Variants in ARB2A observed in about 807,000 individuals in gnomAD.
ARB2A encodes the protein cotranscriptional regulator ARB2A.
At chr5:93,619,548 T>G in the ARB2A span, 26 of 152,348 alleles carry the variant, frequency 1.7e-4, no homozygotes, top group East Asian at 4.6e-3. Flanking sequence ...CATTTTATCA[T>G]GTCCTCAAAT....
chr5:93,725,328 G>A, the ARB2A span, among the ~76,000 whole-genome samples: 8 of 152,016 alleles, frequency 5.3e-5, no homozygotes, highest in Admixed American at 3.9e-4. Context: ...ATTTATGGAC[G>A]AATTAATACC....
the ARB2A span, among the ~76,000 whole-genome samples, chr5:93,799,017 T>C: frequency 6.6e-6 from 1 of 152,140 alleles, no homozygotes; most frequent in Non-Finnish European, 1.5e-5. Context: ...GGTTTCTTCA[T>C]GTAGATACTG....
chr5:93,910,652 G>A, the ARB2A span: 1 of 151,380 alleles, frequency 6.6e-6, no homozygotes, highest in Non-Finnish European at 1.5e-5. Context: ...ATACTGTTCA[G>A]ATATAATATA....
the ARB2A span, among the ~76,000 whole-genome samples, chr5:93,929,063 T>C: frequency 2.0e-5 from 3 of 152,250 alleles, no homozygotes; most frequent in East Asian, 1.9e-4. Context: ...AAATGCTTAA[T>C]TGTAATGTAT....
chr5:93,692,570 G>A, the ARB2A span, among the ~76,000 whole-genome samples: 1 of 152,158 alleles, frequency 6.6e-6, no homozygotes, highest in Non-Finnish European at 1.5e-5. Flanking sequence ...GCCCTACAAA[G>A]AGACTTAGAA....
chr5:93,657,558 A>G, the ARB2A span, among the ~76,000 whole-genome samples: 1 of 152,206 alleles, frequency 6.6e-6, no homozygotes. Context: ...CCATAACCTT[A>G]TATGAGCTTG....
the ARB2A span, among the ~76,000 whole-genome samples, chr5:93,732,131 T>C: frequency 6.6e-6 from 1 of 152,276 alleles, no homozygotes; most frequent in Non-Finnish European, 1.5e-5. Flanking sequence ...AAGCTTCCTG[T>C]CATGTTTCTG....
At chr5:94,079,508 T>G in the ARB2A span, among the ~76,000 whole-genome samples, 1 of 152,308 alleles carries the variant, frequency 6.6e-6, no homozygotes, top group East Asian at 1.9e-4. Context: ...GTCTTCTGAC[T>G]CCTAATTATG....
At chr5:93,895,402 T>C in the ARB2A span, among the ~76,000 whole-genome samples, 1 of 152,216 alleles carries the variant, frequency 6.6e-6, no homozygotes. Flanking sequence ...ATTTGCTCTA[T>C]CAATTACTGT....
the ARB2A span, among the ~76,000 whole-genome samples, chr5:93,953,896 A>G: frequency 6.6e-6 from 1 of 152,002 alleles, no homozygotes; most frequent in African/African-American, 2.4e-5. Context: ...AGTTTCTTCC[A>G]ATGGCCACAA....
At chr5:93,931,773 C>T in the ARB2A span, among the ~76,000 whole-genome samples, 2 of 151,898 alleles carry the variant, frequency 1.3e-5, no homozygotes, top group South Asian at 4.2e-4. Context: ...CTGAGAAGCC[C>T]CTATCATAAA....
chr5:93,819,041 C>A, the ARB2A span, among the ~76,000 whole-genome samples: 8 of 151,438 alleles, frequency 5.3e-5, no homozygotes, highest in Non-Finnish European at 8.8e-5. Flanking sequence ...CAAAAATTAG[C>A]CGGGCATGGT....
chr5:94,006,664 T>C, the ARB2A span, among the ~76,000 whole-genome samples: 1 of 152,208 alleles, frequency 6.6e-6, no homozygotes. Flanking sequence ...AATCATATTT[T>C]TTCTTATAGT....
chr5:94,005,546 C>G, the ARB2A span, among the ~76,000 whole-genome samples: 6 of 152,184 alleles, frequency 3.9e-5, no homozygotes, highest in Admixed American at 2.0e-4. Flanking sequence ...AAAAGCACTA[C>G]AAGTATTGAT....
the ARB2A span, among the ~76,000 whole-genome samples, chr5:93,811,725 T>C: frequency 1.3e-5 from 2 of 152,178 alleles, no homozygotes; most frequent in African/African-American, 2.4e-5. Flanking sequence ...AAAAGTGTTA[T>C]GAGGATTAAA....
the ARB2A span, among the ~76,000 whole-genome samples, chr5:93,908,663 G>A: frequency 2.0e-5 from 3 of 150,982 alleles, no homozygotes; most frequent in South Asian, 4.2e-4. Flanking sequence ...CTATTAGAAT[G>A]TAATGATAAA....
the ARB2A span, among the ~76,000 whole-genome samples, chr5:93,901,134 C>A: frequency 9.2e-5 from 14 of 152,164 alleles, no homozygotes; most frequent in Non-Finnish European, 2.1e-4. Flanking sequence ...GCTAGCCAAC[C>A]TTTTAGAAAT....
the ARB2A span, among the ~76,000 whole-genome samples, chr5:93,847,672 G>C: frequency 6.5e-3 from 991 of 152,114 alleles, 10 homozygotes; most frequent in African/African-American, 0.022. Context: ...ACCAGCTTTG[G>C]ATCAAGCACT....
the ARB2A span, among the ~76,000 whole-genome samples, chr5:94,076,819 A>C: frequency 6.6e-6 from 1 of 152,150 alleles, no homozygotes; most frequent in Non-Finnish European, 1.5e-5. Flanking sequence ...ATTTCTTCCA[A>C]ATATAAACTA....
Sources: allele counts gnomAD v4.1 joint callset (sites outside exome capture counted in the v4.1 genomes callset), GRCh38; gene constraint gnomAD v4.1.1; transcripts MANE v1.5; gene names NCBI Gene and HGNC (gene_info 2026-07-23, HGNC 2026-07-21).